The following C4orf50 variants were observed in gnomAD, a reference collection of about 807,000 sequenced individuals.
C4orf50 encodes the protein uncharacterized protein C4orf50.
Under a neutral mutation model 77.2 loss-of-function variants are expected in C4orf50, and 80 were observed. The observed-to-expected ratio is 1.04, with a 90% confidence interval of 0.87 to 1.25. C4orf50 has a LOEUF of 1.25. C4orf50 is among the 50% of genes most tolerant of loss of function. The pLI, the probability that C4orf50 is intolerant of heterozygous loss-of-function variation, is 0.00. For missense variants in C4orf50, 1,257 were observed against 1,152.9 expected, an observed-to-expected ratio of 1.09 and a Z score of -1.31; for synonymous variants, 532 against 465.3, an observed-to-expected ratio of 1.14 and a Z score of -1.84.
At chr4:6,013,233 C>A (rs1722554591) in intron 23 of C4orf50, among the ~76,000 whole-genome samples, 1 of 152,124 alleles carries the variant, frequency 6.6e-6, no homozygotes, top group South Asian at 2.1e-4. Context: ...GGTGGCAGAC[C>A]AGAGTGTGCT....
chr4:5,977,452 G>A (rs1720352453), intron 29 of C4orf50, among the ~76,000 whole-genome samples: 1 of 152,122 alleles, frequency 6.6e-6, no homozygotes. Flanking sequence ...TAATATGCAA[G>A]ATTTTAAAAG....
rs1373589781 is a variant in C4orf50, at chr4:6,008,591, A to G, written c.427-59T>C. 4 of 396,358 alleles carry G rather than the reference A, an allele frequency of 1.0e-5. No individual in the cohort carries two copies. The highest frequency in any genetic ancestry group is 6.2e-4 in the Middle Eastern group (1 of 1,602). 24.6% of individuals were successfully genotyped at this position (396,358 alleles called of 1,614,324 possible). On this transcript the variant is annotated intron_variant, in intron 24 of 33. Coordinates refer to ENST00000531445, the Ensembl canonical transcript of C4orf50. The surrounding 1 kb of genome is among the most constrained non-coding windows in gnomAD (Gnocchi z 6.0). ...GCCCAAAGGACACACCATGGTTCAC[A>G]TTGGTCCTGTCTTGACTTAACATTT... is the stretch of plus-strand genomic sequence containing the variant.
rs923061610 is a variant in C4orf50 at position 6,000,660 on chromosome 4, T to C, written c.964-6184A>G. Among the ~76,000 whole-genome samples the C allele has an allele frequency of 1.3e-5, 2 of 152,090 alleles. No homozygotes were observed. Among genetic ancestry groups the C allele is most frequent in the African/African-American group, 4.8e-5 (2 of 41,412 alleles). On this transcript the variant is annotated intron_variant, in intron 25 of 33. Transcript: ENST00000531445. The surrounding 1 kb of genome is among the most constrained non-coding windows in gnomAD (Gnocchi z 6.0). The stretch of plus-strand genomic sequence containing the variant: ...CTCCTTCACCCAATCTGTTTTGTCA[T>C]CCTGTGGGGCAGGGTCTTGTCTCAC...
chr4:5,902,464 T>A (rs1255666068), intron 7 of C4orf50: 1 of 152,198 alleles, frequency 6.6e-6, no homozygotes, highest in African/African-American at 2.4e-5. Context: ...ATGTTACATC[T>A]CTTCCTGGGT....
At chr4:5,937,581 AT>A (rs1718082196) in intron 7 of C4orf50, among the ~76,000 whole-genome samples, 1 of 152,220 alleles carries the variant, frequency 6.6e-6, no homozygotes, top group Non-Finnish European at 1.5e-5. Flanking sequence ...TGATATACAT[AT>A]ATCAGTTATC....
intron 30 of C4orf50, 134 bp from the exon 9 acceptor site, chr4:5,973,975 C>T: frequency 1.4e-6 from 1 of 712,648 alleles, no homozygotes; most frequent in Non-Finnish European, 2.2e-6. Flanking sequence ...GCGGAGCAGC[C>T]TCCTCCCTGC....
At chr4:5,913,899 A>C (rs2108732190) in intron 7 of C4orf50, among the ~76,000 whole-genome samples, 1 of 152,344 alleles carries the variant, frequency 6.6e-6, no homozygotes, top group African/African-American at 2.4e-5. Flanking sequence ...TCAATTTCTG[A>C]GAATCAATCT....
intron 7 of C4orf50, among the ~76,000 whole-genome samples, chr4:5,944,337 C>T (rs113267267): frequency 7.6e-4 from 115 of 152,288 alleles, no homozygotes; most frequent in African/African-American, 2.7e-3. Flanking sequence ...CTTGTTTATA[C>T]GGCTCATGAC....
rs546644154 is a variant in C4orf50, at chr4:5,949,501, T to C, written c.*2474+7400A>G. Among the ~76,000 whole-genome samples the C allele has an allele frequency of 3.4e-4, 52 of 152,230 alleles. No individual in the cohort carries two copies. The South Asian group carries it at 8.9e-3, about 26-fold the overall frequency. The stretch of plus-strand genomic sequence containing the variant: ...CAGGTCCCTAGAGTAGCCGGACTTA[T>C]AGAGACAGAAAGTGGATTGGTGGCT... On this transcript the variant is annotated intron_variant, in intron 7 of 7. Transcript: ENST00000324058.
At chr4:6,012,758 G>A (rs1428486776) in intron 23 of C4orf50, among the ~76,000 whole-genome samples, 7 of 152,222 alleles carry the variant, frequency 4.6e-5, no homozygotes, top group Non-Finnish European at 7.3e-5. Context: ...GAGAAAGTCC[G>A]AAAAGAAAGC....
rs1041308885 is a variant in C4orf50, at chr4:6,011,370, C to T, written c.426+460G>A. Among the ~76,000 whole-genome samples, 2 of 152,124 alleles carry T rather than the reference C, an allele frequency of 1.3e-5. No homozygotes were observed. Among genetic ancestry groups the T allele is most frequent in the African/African-American group, 4.8e-5 (2 of 41,426 alleles). On this transcript the variant is annotated intron_variant, in intron 24 of 33. Coordinates refer to ENST00000531445, the Ensembl canonical transcript of C4orf50. This position sits in a 1 kb window ranked among gnomAD's most constrained non-coding sequence, Gnocchi z 4.2. ...TGCTGTCAGCCACGCCTCACATGCCCTTCCCAACAAGGCCCAGCTCACATG... is the reference window on the plus strand; with the variant it reads ...TGCTGTCAGCCACGCCTCACATGCCTTTCCCAACAAGGCCCAGCTCACATG...
At chr4:5,987,533 CATT>C (rs1462547672) in intron 28 of C4orf50, among the ~76,000 whole-genome samples, 3 of 140,156 alleles carry the variant, frequency 2.1e-5, no homozygotes, top group Admixed American at 7.2e-5. Context: ...TGACTGATAA[CATT>C]GTTGGGGGTG....
rs1270061539 is a variant in C4orf50 at position 5,973,860 on chromosome 4, A to G, written c.3922-19T>C. 1.1e-5 allele frequency: 17 copies of G among 1,591,164 alleles called. No individual in the cohort carries two copies. The South Asian group carries it at 1.8e-4, about 17-fold the overall frequency. On this transcript the variant is annotated intron_variant, in intron 30 of 33. Transcript: ENST00000531445. Reference sequence around the variant, plus strand: ...TCTTGGCCTGAAAGGGAGGGAGGCCATGGATGCAGAGCTCCCACCAGGGCT... The same window carrying G: ...TCTTGGCCTGAAAGGGAGGGAGGCCGTGGATGCAGAGCTCCCACCAGGGCT...
chr4:6,017,170 C>T lies in C4orf50; in HGVS notation c.287+975G>A, dbSNP rs985522113. On this transcript the variant is annotated intron_variant, in intron 23 of 33. Coordinates refer to ENST00000531445, the Ensembl canonical transcript of C4orf50. The surrounding 1 kb of genome is among the most constrained non-coding windows in gnomAD (Gnocchi z 4.7). ...GAAGTTCTACAGAGAGAAACGAATG[C>T]GGAGAACCTATTTCAAAGATGACAG... Among the ~76,000 whole-genome samples, 1 of 152,210 alleles carries T rather than the reference C, an allele frequency of 6.6e-6. No individual in the cohort carries two copies. Among genetic ancestry groups the T allele is most frequent in the African/African-American group, 2.4e-5 (1 of 41,446 alleles).
In C4orf50 at chr4:5,900,421, A is replaced by G. The variant is rs1036765911; in HGVS notation, c.*2475-2233T>C. ...TACGGAAGGGTGGATTTAAAGATCA[A>G]TCATGTAAGTCTAGCCAAAAAGTAG... On this transcript the variant is annotated intron_variant, in intron 7 of 7. Coordinates refer to the C4orf50 transcript ENST00000324058. This position sits in a 1 kb window ranked among gnomAD's most constrained non-coding sequence, Gnocchi z 4.3. 4.6e-5 allele frequency: 7 copies of G among 152,136 alleles called. No individual in the cohort carries two copies. The highest frequency in any genetic ancestry group is 1.9e-4 in the East Asian group (1 of 5,188). 9.4% of individuals were successfully genotyped at this position (152,136 alleles called of 1,614,324 possible).
At chr4:5,911,055 G>C (rs375271378) in intron 7 of C4orf50, among the ~76,000 whole-genome samples, 1 of 151,810 alleles carries the variant, frequency 6.6e-6, no homozygotes, top group Non-Finnish European at 1.5e-5. Context: ...ACAGGTGCCC[G>C]CCACCATGCC....
At chr4:5,936,876 A>T (rs1718050587) in intron 7 of C4orf50, among the ~76,000 whole-genome samples, 1 of 152,172 alleles carries the variant, frequency 6.6e-6, no homozygotes, top group African/African-American at 2.4e-5. Context: ...TCAGAGAGAG[A>T]GAAATTGATT....
chr4:5,962,637 G>A (rs1327833055), intron 33 of C4orf50, among the ~76,000 whole-genome samples: 4 of 152,182 alleles, frequency 2.6e-5, no homozygotes, highest in African/African-American at 7.2e-5. Flanking sequence ...GGCCAGCTCC[G>A]GAGCCAGGTG....
In C4orf50 at chr4:5,996,422, C is replaced by T. The variant is rs1411495859; in HGVS notation, c.964-1946G>A. Among the ~76,000 whole-genome samples, 3 of 152,102 alleles carry T rather than the reference C, an allele frequency of 2.0e-5. No individual in the cohort carries two copies. The East Asian group carries it at 5.8e-4, about 29-fold the overall frequency. ...CCTGTTACACTGAAAGAGAAACCCC[C>T]GCCGGCCTCACTGCCCCCACCTCCA... On this transcript the variant is annotated intron_variant, in intron 25 of 33. Coordinates refer to ENST00000531445, the Ensembl canonical transcript of C4orf50.
Sources: allele counts gnomAD v4.1 joint callset (sites outside exome capture counted in the v4.1 genomes callset), GRCh38; gene constraint gnomAD v4.1.1; non-coding constraint Gnocchi (gnomAD v3.1); transcripts MANE v1.5; gene names NCBI Gene and HGNC (gene_info 2026-07-23, HGNC 2026-07-21).